Variants in TLCD4 observed in about 807,000 individuals in gnomAD.
TLCD4 encodes the protein TLC domain-containing protein 4.
Under a neutral mutation model 24.2 loss-of-function variants are expected in TLCD4, and 7 were observed. The ratio of observed to expected loss-of-function variants is 0.29; its 90% CI spans 0.16 to 0.54. TLCD4 has a LOEUF of 0.54. TLCD4 is among the 20% of genes least tolerant of loss of function. The probability of loss-of-function intolerance (pLI) is 0.95; values close to 1 mark genes in which losing one functional copy is unlikely to be tolerated. For synonymous variants in TLCD4, 103 were observed against 106.4 expected, an observed-to-expected ratio of 0.97 and a Z score of 0.20; for missense variants, 259 against 313.9, an observed-to-expected ratio of 0.82 and a Z score of 1.32.
chr1:95,135,439 C>G (rs1044381363), intron 1 of TLCD4, among the ~76,000 whole-genome samples: 19 of 150,248 alleles, frequency 1.3e-4, no homozygotes, highest in African/African-American at 4.7e-4. Context: ...CTCTGTCGCC[C>G]AGGCTGGAGT....
intron 1 of TLCD4, among the ~76,000 whole-genome samples, chr1:95,143,501 T>C (rs1356271563): frequency 6.6e-6 from 1 of 152,210 alleles, no homozygotes; most frequent in Non-Finnish European, 1.5e-5. Context: ...ACCAACTCTT[T>C]CATATCATAG....
At chr1:95,180,598 C>A (rs1678603271) in intron 6 of TLCD4, among the ~76,000 whole-genome samples, 2 of 152,150 alleles carry the variant, frequency 1.3e-5, no homozygotes, top group Admixed American at 6.5e-5. Flanking sequence ...AGTTTAGACA[C>A]CTGGGCTTCA....
the TLCD4 span, among the ~76,000 whole-genome samples, chr1:95,102,985 A>AT: frequency 0.34 from 51,503 of 149,440 alleles, 10,289 homozygotes; most frequent in Middle Eastern, 0.44. Flanking sequence ...TAAAAAAAAA[A>AT]TTTTTTTTTT....
At chr1:95,130,943 G>T (rs1676873022) in intron 1 of TLCD4, among the ~76,000 whole-genome samples, 3 of 152,318 alleles carry the variant, frequency 2.0e-5, no homozygotes, top group South Asian at 4.1e-4. Flanking sequence ...TACTATGGTT[G>T]TCAGTTCAGA....
At chr1:95,173,697 T>G in intron 5 of TLCD4, 119 bp from the exon 6 acceptor site, 1 of 1,279,896 alleles carries the variant, frequency 7.8e-7, no homozygotes, top group Admixed American at 2.4e-5. Context: ...GAAAACTTCT[T>G]GATCTGTTTT....
At chr1:95,126,860 C>T (rs1203890345) in intron 1 of TLCD4, among the ~76,000 whole-genome samples, 1 of 152,200 alleles carries the variant, frequency 6.6e-6, no homozygotes, top group Non-Finnish European at 1.5e-5. Flanking sequence ...GTTGTATTCT[C>T]TTTGTCAGCA....
the TLCD4 span, among the ~76,000 whole-genome samples, chr1:95,096,949 C>T: frequency 6.6e-6 from 1 of 152,182 alleles, no homozygotes; most frequent in Non-Finnish European, 1.5e-5. Context: ...GAATATTACA[C>T]ATTTTAAAAA....
intron 1 of TLCD4, among the ~76,000 whole-genome samples, chr1:95,122,545 C>T (rs1406850536): frequency 6.6e-6 from 1 of 152,196 alleles, no homozygotes; most frequent in African/African-American, 2.4e-5. Flanking sequence ...CACCCTTCCT[C>T]AGCTGTCTGG....
intron 5 of TLCD4, among the ~76,000 whole-genome samples, chr1:95,172,400 G>T (rs188887569): frequency 2.0e-5 from 3 of 152,274 alleles, no homozygotes; most frequent in Non-Finnish European, 4.4e-5. Context: ...TCATATTTGT[G>T]TGTTAAAGTA....
chr1:95,147,184 G>A (rs144274169), intron 2 of TLCD4, among the ~76,000 whole-genome samples: 4,766 of 150,256 alleles, frequency 0.032, 113 homozygotes, highest in Non-Finnish European at 0.049. Context: ...AGTGATTCTT[G>A]TGCCTCAGCC....
At chr1:95,170,330 C>CT (rs10664436) in intron 5 of TLCD4, among the ~76,000 whole-genome samples, 69,525 of 126,588 alleles carry the variant, frequency 0.55, 20,943 homozygotes, top group Middle Eastern at 0.73. Flanking sequence ...ACAAATCATT[C>CT]TTTTTTTTTT....
intron 2 of TLCD4, among the ~76,000 whole-genome samples, chr1:95,146,948 C>T (rs1677366915): frequency 6.6e-6 from 1 of 151,882 alleles, no homozygotes; most frequent in South Asian, 2.1e-4. Flanking sequence ...ACTATGGTTA[C>T]CAAACAGTAA....
chr1:95,130,928 G>A (rs1428529885), intron 1 of TLCD4, among the ~76,000 whole-genome samples: 2 of 152,102 alleles, frequency 1.3e-5, no homozygotes, highest in African/African-American at 2.4e-5. Context: ...ACTTTCATGC[G>A]GTAATACTAT....
chr1:95,109,912 CATATATATATATAT>C, the TLCD4 span, among the ~76,000 whole-genome samples: 8,824 of 80,298 alleles, frequency 0.11, 589 homozygotes, highest in African/African-American at 0.14. Context: ...TGTGTGTATG[CATATATATATATAT>C]ATATATATAT....
chr1:95,115,993 C>T (rs140297874), upstream of TLCD4, among the ~76,000 whole-genome samples: 10 of 152,232 alleles, frequency 6.6e-5, no homozygotes, highest in South Asian at 2.1e-4. Context: ...AGGTACTGCA[C>T]ATATTGTGAA....
At chr1:95,106,562 G>T in the TLCD4 span, among the ~76,000 whole-genome samples, 1 of 152,030 alleles carries the variant, frequency 6.6e-6, no homozygotes, top group Admixed American at 6.6e-5. Context: ...GCGTAGTAGT[G>T]CATGCCTGTG....
At chr1:95,153,738 A>G (rs1677552836) in intron 5 of TLCD4, among the ~76,000 whole-genome samples, 2 of 152,168 alleles carry the variant, frequency 1.3e-5, no homozygotes, top group South Asian at 2.1e-4. Flanking sequence ...AGGAGATATT[A>G]GATTAGGTAG....
chr1:95,102,985 A>AAT, the TLCD4 span, among the ~76,000 whole-genome samples: 18 of 149,568 alleles, frequency 1.2e-4, no homozygotes, highest in African/African-American at 3.9e-4. Flanking sequence ...TAAAAAAAAA[A>AAT]TTTTTTTTTT....
chr1:95,138,876 A>T (rs1042532345), intron 1 of TLCD4, among the ~76,000 whole-genome samples: 3 of 152,006 alleles, frequency 2.0e-5, no homozygotes, highest in Non-Finnish European at 4.4e-5. Flanking sequence ...AGGTACAGTT[A>T]AAAAATGTAG....
Sources: gnomAD v4.1 joint callset for allele counts (sites outside exome capture counted in the v4.1 genomes callset) on GRCh38, gnomAD v4.1.1 for gene constraint, MANE v1.5 for transcripts, NCBI Gene and HGNC (gene_info 2026-07-23, HGNC 2026-07-21) for gene names.